AKAP10: variants seen among roughly 807,000 people sequenced by gnomAD.
AKAP10 encodes A-kinase anchoring protein 10, also known as A-kinase anchor protein 10, mitochondrial.
In AKAP10, 24 loss-of-function variants were observed where a neutral mutation model predicts 80.8. The ratio of observed to expected loss-of-function variants is 0.30; its 90% confidence interval spans 0.22 to 0.42. The LOEUF (loss-of-function observed/expected upper bound fraction) is 0.42, where lower values mean the gene tolerates loss of function less well. Among genes scored for constraint, AKAP10 ranks in the 10% least tolerant of loss-of-function variants. The pLI is 1.00. For missense variants in AKAP10, 661 were observed against 794.9 expected, an observed-to-expected ratio of 0.83 and a Z score of 2.03; for synonymous variants, 291 against 277.7, an observed-to-expected ratio of 1.05 and a Z score of -0.48.
chr17:19,963,211 CTTTTTTTTTT>C (rs35363359), intron 2 of AKAP10, among the ~76,000 whole-genome samples, 189 bp from the exon 3 acceptor site: 1 of 119,592 alleles, frequency 8.4e-6, no homozygotes, highest in African/African-American at 3.3e-5. Context: ...AGAAAACACT[CTTTTTTTTTT>C]TTTTTTTTTT....
At chr17:19,946,248 TATATATATATATATATATATATATA>T (rs2043117510) in intron 5 of AKAP10, among the ~76,000 whole-genome samples, 1 of 18,170 alleles carries the variant, frequency 5.5e-5, no homozygotes. Flanking sequence ...TATATATATA[TATATATATATATATATATATATATA>T]TATTTTTTTT....
At chr17:19,908,016 A>G (rs1383379081) in intron 14 of AKAP10, among the ~76,000 whole-genome samples, 1 of 151,860 alleles carries the variant, frequency 6.6e-6, no homozygotes, top group Non-Finnish European at 1.5e-5. Context: ...GGTGCCGGCC[A>G]CCATGCCTGG....
chr17:19,977,351 G>T (rs2043582608), intron 1 of AKAP10, among the ~76,000 whole-genome samples: 1 of 152,200 alleles, frequency 6.6e-6, no homozygotes. Flanking sequence ...GAACTTCTAT[G>T]GGCTTTAGCA....
At chr17:19,938,074 G>A (rs1007358138) in intron 8 of AKAP10, among the ~76,000 whole-genome samples, 4 of 147,008 alleles carry the variant, frequency 2.7e-5, no homozygotes, top group African/African-American at 7.6e-5. Context: ...ATAGGCACCC[G>A]TCAAAATGCC....
intron 5 of AKAP10, among the ~76,000 whole-genome samples, chr17:19,946,222 T>TTATATATATATATATATTATATATATA (rs1170911920): frequency 2.9e-5 from 1 of 33,958 alleles, no homozygotes; most frequent in African/African-American, 1.0e-4. Flanking sequence ...TATATATATT[T>TTATATATATATATATATTATATATATA]TATATATATA....
chr17:19,912,892 A>G (rs896413928), intron 12 of AKAP10, among the ~76,000 whole-genome samples: 6 of 152,138 alleles, frequency 3.9e-5, no homozygotes, highest in Admixed American at 6.5e-5. Context: ...TGGTATTCTG[A>G]ACCAAAGCCC....
rs550450329 is a variant in AKAP10 at position 19,923,717 on chromosome 17, G to A, written c.1751+691C>T. Among the ~76,000 whole-genome samples, 202 of 152,110 alleles carry A rather than the reference G, an allele frequency of 1.3e-3. 2 individuals carry two copies. The highest frequency in any genetic ancestry group is 4.5e-3 in the African/African-American group (187 of 41,502). On this transcript the variant is annotated intron_variant, in intron 11 of 14. Transcript: ENST00000225737. ...AATTTTTTGTATTTTTAGTAGAGACGGGGTTTCATCGTGTTAGCCAGGATG... is the reference window on the plus strand; with the variant it reads ...AATTTTTTGTATTTTTAGTAGAGACAGGGTTTCATCGTGTTAGCCAGGATG...
chr17:19,907,886 T>C (rs922513651), intron 14 of AKAP10, among the ~76,000 whole-genome samples: 2 of 151,740 alleles, frequency 1.3e-5, no homozygotes, highest in African/African-American at 4.8e-5. Flanking sequence ...TTTTTGAGCC[T>C]GAGTTTTGCT....
chr17:19,931,814 A>G lies in AKAP10; in HGVS notation c.1632T>C (p.Ser544=), dbSNP rs150067842. 9.9e-6 allele frequency: 16 copies of G among 1,613,086 alleles called. No individual in the cohort carries two copies. The African/African-American group carries it at 1.5e-4, about 15-fold the overall frequency. ...DESHPGSSDS[S]ASQSSVKKAS... is the part of the protein sequence containing the mutation. ...CGCAATCAGTCAATACCTGAGACGC[A>G]GAGCTGTCAGAACTCCCTGGGTGAG... The change falls in exon 10 of 15, where the codon TCT becomes TCC. Residue 544 remains serine, a synonymous_variant. Transcript: ENST00000225737.
intron 5 of AKAP10, among the ~76,000 whole-genome samples, chr17:19,946,248 T>TATATATTTTATATATATATATAAA (rs2043117420): frequency 5.5e-5 from 1 of 18,170 alleles, no homozygotes; most frequent in African/African-American, 2.5e-4. Flanking sequence ...TATATATATA[T>TATATATTTTATATATATATATAAA]ATATATATAT....
intron 8 of AKAP10, among the ~76,000 whole-genome samples, chr17:19,937,084 CA>C (rs1038759644): frequency 1.4e-5 from 2 of 146,586 alleles, no homozygotes; most frequent in African/African-American, 5.0e-5. Flanking sequence ...AAATGAATAC[CA>C]AAAAAAGCAT....
At chr17:19,940,781 G>T in intron 7 of AKAP10, 106 bp downstream of exon 7, 1 of 1,291,826 alleles carries the variant, frequency 7.7e-7, no homozygotes, top group Non-Finnish European at 1.0e-6. Flanking sequence ...CATCTTTTTG[G>T]AAATGACTTG....
In AKAP10 at chr17:19,932,803, T is replaced by C. The variant is rs538458579; in HGVS notation, c.1468-825A>G. 1.2e-4 allele frequency among the ~76,000 whole-genome samples: 19 copies of C among 152,292 alleles called. 1 individual carries two copies. In the South Asian group the frequency reaches 3.3e-3, roughly 27 times the overall value. ...TATCTGTTTCCACATTGTTTTTTTT[T>C]CAAATAATTCTTAAATAAATGCCTA... On this transcript the variant is annotated intron_variant, in intron 9 of 14. Transcript: ENST00000225737.
intron 8 of AKAP10, 38 bp downstream of exon 8, chr17:19,939,675 A>G (rs769064359): frequency 5.0e-6 from 8 of 1,594,500 alleles, no homozygotes; most frequent in East Asian, 2.3e-5. Flanking sequence ...CAAATGTTCA[A>G]TAAGTATCTG....
chr17:19,950,703 G>A (rs550460397), intron 4 of AKAP10, among the ~76,000 whole-genome samples: 4 of 152,322 alleles, frequency 2.6e-5, no homozygotes, highest in African/African-American at 7.2e-5. Context: ...CCAAAGTGCC[G>A]AGATTGCAGC....
At chr17:19,915,835 C>T (rs189388200) in intron 12 of AKAP10, among the ~76,000 whole-genome samples, 8 of 152,324 alleles carry the variant, frequency 5.3e-5, no homozygotes, top group African/African-American at 1.9e-4. Context: ...AAGCCCTACA[C>T]TAAATTTTCC....
At chr17:19,920,651 T>C (rs764269135) in intron 11 of AKAP10, among the ~76,000 whole-genome samples, 33 of 152,064 alleles carry the variant, frequency 2.2e-4, no homozygotes, top group Non-Finnish European at 4.6e-4. Flanking sequence ...GAGACCAGCC[T>C]GGCCAACATG....
intron 12 of AKAP10, among the ~76,000 whole-genome samples, chr17:19,910,312 C>T (rs1157308034): frequency 7.2e-5 from 8 of 110,714 alleles, no homozygotes; most frequent in African/African-American, 2.3e-4. Context: ...GGCAACAGAG[C>T]GAGACTCCAA....
intron 12 of AKAP10, among the ~76,000 whole-genome samples, chr17:19,916,036 C>G (rs933769930): frequency 6.6e-6 from 1 of 152,200 alleles, no homozygotes; most frequent in Non-Finnish European, 1.5e-5. Flanking sequence ...TCCAGCCACA[C>G]GGGGCTTGCT....
Sources: gnomAD v4.1 joint callset for allele counts (sites outside exome capture counted in the v4.1 genomes callset) on GRCh38, gnomAD v4.1.1 for gene constraint, MANE v1.5 for transcripts, NCBI Gene and HGNC (gene_info 2026-07-23, HGNC 2026-07-21) for gene names.